The following TSGA10 variants were observed in gnomAD, a reference collection of about 807,000 sequenced individuals.
The protein encoded by TSGA10 is testis specific 10, also known as testis-specific gene 10 protein.
TSGA10 carries 43 observed loss-of-function variants against 96.6 expected under a neutral mutation model. The observed-to-expected ratio is 0.44, with a 90% CI of 0.35 to 0.57. TSGA10 has a LOEUF of 0.57. Ranked by LOEUF, TSGA10 falls within the 20% of genes least tolerant of loss-of-function variation. TSGA10 has a pLI of 0.01. For missense variants in TSGA10, 703 were observed against 834.4 expected (o/e 0.84, Z 1.94); for synonymous variants, 229 against 269.9 (o/e 0.85, Z 1.48).
intron 10 of TSGA10, among the ~76,000 whole-genome samples, chr2:99,097,456 ATG>A (rs1219549761): frequency 6.6e-6 from 1 of 152,202 alleles, no homozygotes; most frequent in Non-Finnish European, 1.5e-5. Context: ...ATGTATGTAT[ATG>A]TGTTATTAAA....
intron 2 of TSGA10, chr2:99,125,719 G>C (rs2092790360): frequency 6.6e-6 from 1 of 152,210 alleles, no homozygotes; most frequent in South Asian, 2.1e-4. Flanking sequence ...TAGAAGTCCA[G>C]TTCCTCTACT....
chr2:99,049,061 A>C (rs2083106456), intron 16 of TSGA10, among the ~76,000 whole-genome samples: 1 of 152,240 alleles, frequency 6.6e-6, no homozygotes, highest in Non-Finnish European at 1.5e-5. Flanking sequence ...AATGGTGATC[A>C]TTAAAATGTC....
chr2:99,042,726 C>T (rs147751513), intron 16 of TSGA10, among the ~76,000 whole-genome samples: 68 of 149,810 alleles, frequency 4.5e-4, no homozygotes, highest in Non-Finnish European at 5.5e-4. Flanking sequence ...TTTTTTGAGA[C>T]GGAGTCTTGC....
At chr2:99,046,898 C>T (rs1271098673) in intron 16 of TSGA10, among the ~76,000 whole-genome samples, 2 of 152,012 alleles carry the variant, frequency 1.3e-5, no homozygotes, top group Non-Finnish European at 2.9e-5. Flanking sequence ...GATATCACCA[C>T]TGATCCCATA....
chr2:99,064,899 T>C, intron 16 of TSGA10, 40 bp downstream of exon 16: 2 of 1,484,658 alleles, frequency 1.3e-6, no homozygotes, highest in Non-Finnish European at 1.8e-6. Context: ...CTTTTAAATA[T>C]GATGCAGGAT....
In TSGA10 at chr2:99,071,767, A is replaced by G. The variant is rs545660199; in HGVS notation, c.1046T>C (p.Ile349Thr). 8.7e-6 allele frequency: 14 copies of G among 1,614,026 alleles called. No individual in the cohort carries two copies. Among genetic ancestry groups the G allele is most frequent in the East Asian group, 2.2e-5 (1 of 44,872 alleles). Residue 349 changes from isoleucine (I) to threonine (T), a missense_variant, in exon 14 of 21, where the codon ATC becomes ACC. By Grantham distance (89) the Ile-to-Thr change is moderately conservative (BLOSUM62 -1). Transcript: ENST00000393483. ...GAGATTGTCATTGTCATGAGCCAAG[A>G]TATCTCTTTCCCTGGCGATCTGGGC... ...ELAQIARERD[I>T]LAHDNDNLQE...
At chr2:99,083,520 T>G (rs1273843212) in intron 10 of TSGA10, among the ~76,000 whole-genome samples, 15 of 152,162 alleles carry the variant, frequency 9.9e-5, no homozygotes, top group Admixed American at 3.3e-4. Context: ...ATAATTATAT[T>G]AAATGCATAT....
intron 2 of TSGA10, among the ~76,000 whole-genome samples, chr2:99,124,222 T>C (rs2092713624): frequency 6.6e-6 from 1 of 152,222 alleles, no homozygotes; most frequent in Admixed American, 6.5e-5. Context: ...TGGTTGATGA[T>C]GTTGAGCATC....
At chr2:99,003,476 A>C (rs1004820272) in intron 20 of TSGA10, among the ~76,000 whole-genome samples, 2 of 152,154 alleles carry the variant, frequency 1.3e-5, no homozygotes, top group Non-Finnish European at 2.9e-5. Context: ...GAACTCTCCA[A>C]CCCAAATAAA....
chr2:99,140,527 TATCAAGTCCATG>T (rs2093494884), intron 1 of TSGA10, among the ~76,000 whole-genome samples: 2 of 152,094 alleles, frequency 1.3e-5, no homozygotes, highest in Non-Finnish European at 2.9e-5. Context: ...AGTTTTTAGG[TATCAAGTCCATG>T]ATCACCTAGT....
intron 1 of TSGA10, among the ~76,000 whole-genome samples, chr2:99,134,534 A>G (rs557781250): frequency 6.6e-6 from 1 of 152,252 alleles, no homozygotes; most frequent in South Asian, 2.1e-4. Context: ...ATGCTCCTAT[A>G]GCTCAGAGGA....
intron 12 of TSGA10, among the ~76,000 whole-genome samples, chr2:99,076,640 A>C (rs2086730584): frequency 6.6e-6 from 1 of 152,108 alleles, no homozygotes; most frequent in South Asian, 2.1e-4. Flanking sequence ...ACAGCAGAGA[A>C]GGGACTGTAT....
chr2:99,036,006 TG>T (rs988430398), intron 16 of TSGA10, among the ~76,000 whole-genome samples: 17 of 151,980 alleles, frequency 1.1e-4, no homozygotes, highest in African/African-American at 4.1e-4. Flanking sequence ...GAAATAAGAG[TG>T]TGTTTTTAAA....
At chr2:99,120,088 T>C (rs2092491712) in intron 2 of TSGA10, among the ~76,000 whole-genome samples, 1 of 152,192 alleles carries the variant, frequency 6.6e-6, no homozygotes, top group African/African-American at 2.4e-5. Flanking sequence ...AAATCATTTA[T>C]TTCCCTGTCC....
At chr2:99,079,288 G>T (rs564908809) in intron 11 of TSGA10, among the ~76,000 whole-genome samples, 4 of 152,110 alleles carry the variant, frequency 2.6e-5, no homozygotes, top group African/African-American at 9.6e-5. Flanking sequence ...TAATATTCTG[G>T]TATTTCTAAA....
At chr2:99,015,086 T>C (rs910143394) in intron 20 of TSGA10, among the ~76,000 whole-genome samples, 6 of 152,152 alleles carry the variant, frequency 3.9e-5, no homozygotes, top group South Asian at 2.1e-4. Context: ...ACCAATCCTA[T>C]AGAACACTAC....
intron 1 of TSGA10, among the ~76,000 whole-genome samples, chr2:99,152,435 G>C (rs2093702638): frequency 6.6e-6 from 1 of 152,112 alleles, no homozygotes; most frequent in African/African-American, 2.4e-5. Context: ...ACAGGCATGT[G>C]CCACCATACC....
intron 16 of TSGA10, among the ~76,000 whole-genome samples, chr2:99,047,231 G>A (rs1360662982): frequency 6.6e-6 from 1 of 152,200 alleles, no homozygotes; most frequent in Non-Finnish European, 1.5e-5. Context: ...TATGAGGCCA[G>A]CATCATCCTG....
chr2:99,119,519 GGA>G (rs1289033591), intron 2 of TSGA10, among the ~76,000 whole-genome samples: 1 of 152,002 alleles, frequency 6.6e-6, no homozygotes, highest in Non-Finnish European at 1.5e-5. Flanking sequence ...TTCTTTTAGG[GGA>G]GTTATTGAAA....
Sources: allele counts gnomAD v4.1 joint callset (sites outside exome capture counted in the v4.1 genomes callset), GRCh38; gene constraint gnomAD v4.1.1; transcripts MANE v1.5; gene names NCBI Gene and HGNC (gene_info 2026-07-23, HGNC 2026-07-21).